The following VWA5B1 variants were observed in gnomAD, a reference collection of about 807,000 sequenced individuals.
VWA5B1 encodes von Willebrand factor A domain-containing protein 5B1.
In VWA5B1, 115 loss-of-function variants were observed where a neutral mutation model predicts 118.2. That is an observed-to-expected ratio of 0.97 (90% CI 0.84 to 1.14). VWA5B1 has a LOEUF of 1.14. Among genes scored for constraint, VWA5B1 ranks in the 50% most tolerant of loss-of-function variants. The pLI, the probability that VWA5B1 is intolerant of heterozygous loss-of-function variation, is 0.00. For synonymous variants in VWA5B1, 682 were observed against 658.4 expected (o/e 1.04, Z -0.55); for missense variants, 1,596 against 1,603.8 (o/e 1.00, Z 0.08).
chr1:20,330,498 A>T (rs1322530645), intron 10 of VWA5B1, 116 bp downstream of exon 10: 4 of 1,261,740 alleles, frequency 3.2e-6, no homozygotes, highest in Non-Finnish European at 4.4e-6. Context: ...CACAATTCCC[A>T]AAGGGCTTTG....
chr1:20,332,716 C>T lies in VWA5B1; in HGVS notation c.1573-50C>T, dbSNP rs1235002002. 4.6e-6 allele frequency: 7 copies of T among 1,534,398 alleles called. No homozygotes were observed. The East Asian group carries it at 1.5e-4, about 32-fold the overall frequency. ...GCTGATACTTACATGATCTTCTGTACACATCTCTTCTCATACATCCCCCAA... is the reference window on the plus strand; with the variant it reads ...GCTGATACTTACATGATCTTCTGTATACATCTCTTCTCATACATCCCCCAA... On this transcript the variant is annotated intron_variant, in intron 11 of 21. Coordinates refer to ENST00000289815, the MANE Select transcript of VWA5B1 (RefSeq NM_001039500.3).
intron 12 of VWA5B1, among the ~76,000 whole-genome samples, chr1:20,336,014 G>A (rs1175340705): frequency 6.6e-6 from 1 of 152,144 alleles, no homozygotes; most frequent in Non-Finnish European, 1.5e-5. Flanking sequence ...GGTAATTTCG[G>A]TTACCTATTT....
At position 20,328,070 on chromosome 1, in the gene VWA5B1, G is replaced by A. The variant is rs914889284; in HGVS notation, c.1254+70G>A. On this transcript the variant is annotated intron_variant, in intron 9 of 21. Transcript: ENST00000289815. The stretch of plus-strand genomic sequence containing the variant: ...GGGAGCAGAGGAAAGGAGGGAAAGG[G>A]GAAAAAATAGTTAAAACCCTAGTGC... 11 of 1,432,600 alleles carry A rather than the reference G, an allele frequency of 7.7e-6. No homozygotes were observed. In the Admixed American group the frequency reaches 2.0e-4, roughly 26 times the overall value. The allele number at this position is 1,432,600 out of a possible 1,614,324, so 88.7% of individuals were successfully genotyped here.
Position 20,317,549 on chromosome 1 carries a change from G to C in VWA5B1, c.583G>C (p.Gly195Arg), listed in dbSNP as rs201427535. ...TTCCAGCAAAGACAGGCACTGCTTCGGTGCCTGGGCCCCGGGCTCCTGGAA... is the reference window on the plus strand; with the variant it reads ...TTCCAGCAAAGACAGGCACTGCTTCCGTGCCTGGGCCCCGGGCTCCTGGAA... Reference protein sequence around the residue: ...QAQGKDRHCFGAWAPGSWNKL... With the variant: ...QAQGKDRHCFRAWAPGSWNKL... Residue 195 changes from glycine (G) to arginine (R), a missense_variant, in exon 5 of 22, where the codon GGT (glycine) becomes CGT (arginine). Transcript: ENST00000289815. 1 of 1,551,528 alleles carries C rather than the reference G, an allele frequency of 6.4e-7. No individual in the cohort carries two copies. The highest frequency in any genetic ancestry group is 8.7e-7 in the Non-Finnish European group (1 of 1,146,972).
chr1:20,292,579 G>A (rs2088332696), intron 1 of VWA5B1, among the ~76,000 whole-genome samples: 2 of 152,238 alleles, frequency 1.3e-5, no homozygotes, highest in African/African-American at 2.4e-5. Context: ...GTTTGTGGGT[G>A]CATGTGGGGG....
chr1:20,313,825 G>A (rs947013334), intron 3 of VWA5B1, among the ~76,000 whole-genome samples: 3 of 152,222 alleles, frequency 2.0e-5, no homozygotes, highest in South Asian at 4.1e-4. Context: ...GGAGCAGGGG[G>A]TGGAAAGTGG....
rs922347694 is a variant in VWA5B1 at position 20,330,286 on chromosome 1, G to A, written c.1361G>A (p.Arg454Gln). Reference sequence around the variant, plus strand: ...TGGGTCATCAGGCAGCCAGTGCACCGAGGCCACCCGCGGCTCCTCTTCGTG... The same window carrying A: ...TGGGTCATCAGGCAGCCAGTGCACCAAGGCCACCCGCGGCTCCTCTTCGTG... ...LKWVIRQPVH[R>Q]GHPRLLFVIT... Residue 454 changes from arginine (R) to glutamine (Q), a missense_variant, in exon 10 of 22, where the codon CGA (arginine) becomes CAA (glutamine). Arg to Gln is a conservative substitution (Grantham distance 43). Coordinates refer to ENST00000289815, the MANE Select transcript of VWA5B1 (RefSeq NM_001039500.3). 7 of 1,551,668 alleles carry A rather than the reference G, an allele frequency of 4.5e-6. No individual in the cohort carries two copies. The highest frequency in any genetic ancestry group is 2.0e-5 in the Admixed American group (1 of 50,990).
intron 4 of VWA5B1, among the ~76,000 whole-genome samples, chr1:20,316,916 T>A (rs561262095): frequency 3.3e-5 from 5 of 151,804 alleles, no homozygotes; most frequent in Admixed American, 3.3e-4. Context: ...ATAGTGGGAA[T>A]GGAGGCCGAG....
At chr1:20,311,991 C>A (rs761666848) in intron 2 of VWA5B1, among the ~76,000 whole-genome samples, 2 of 152,172 alleles carry the variant, frequency 1.3e-5, no homozygotes, top group Non-Finnish European at 2.9e-5. Flanking sequence ...GGAACAAGTG[C>A]CCCCATTTTA....
At chr1:20,311,120 G>C (rs2088836447) in intron 2 of VWA5B1, among the ~76,000 whole-genome samples, 1 of 152,224 alleles carries the variant, frequency 6.6e-6, no homozygotes, top group African/African-American at 2.4e-5. Flanking sequence ...CTACGGGCAT[G>C]TGCCACCACA....
Position 20,354,341 on chromosome 1 carries a change from G to A in VWA5B1, c.*78G>A. The A allele has an allele frequency of 2.1e-6, 3 of 1,439,986 alleles. No homozygotes were observed. Among genetic ancestry groups the A allele is most frequent in the South Asian group, 1.4e-5 (1 of 69,766 alleles). The allele number at this position is 1,439,986 out of a possible 1,614,324, so 89.2% of individuals were successfully genotyped here. ...CAGGGCCATGTCGGCCTGGTTTCGGGGAGCTTTTGGAGCTGTAACTAATAT... is the reference window on the plus strand; with the variant it reads ...CAGGGCCATGTCGGCCTGGTTTCGGAGAGCTTTTGGAGCTGTAACTAATAT... On this transcript the variant is annotated 3_prime_UTR_variant, in exon 22 of 22. Coordinates refer to ENST00000289815, the MANE Select transcript of VWA5B1 (RefSeq NM_001039500.3).
Position 20,354,608 on chromosome 1 carries a change from A to G in VWA5B1, c.*345A>G. The G allele has an allele frequency of 6.5e-6, 2 of 307,970 alleles. No homozygotes were observed. The highest frequency in any genetic ancestry group is 1.2e-5 in the Non-Finnish European group (2 of 164,878). 19.1% of individuals were successfully genotyped at this position (307,970 alleles called of 1,614,324 possible). ...CTGCTGCTGGGGCTGGCGAGGGAAG[A>G]TGCAGTGGAAGCCTGAGCCCTGTCT... On this transcript the variant is annotated 3_prime_UTR_variant, in exon 22 of 22. Coordinates refer to ENST00000289815, the MANE Select transcript of VWA5B1 (RefSeq NM_001039500.3).
intron 1 of VWA5B1, among the ~76,000 whole-genome samples, chr1:20,307,784 T>G (rs1009205610): frequency 2.6e-5 from 4 of 151,122 alleles, no homozygotes; most frequent in Non-Finnish European, 5.9e-5. Context: ...ATTTAAAGTT[T>G]ATTCTTTCCA....
At chr1:20,344,144 G>GAGTA (rs2089959452) in intron 16 of VWA5B1, among the ~76,000 whole-genome samples, 1 of 149,876 alleles carries the variant, frequency 6.7e-6, no homozygotes, top group Non-Finnish European at 1.5e-5. Context: ...CCCTGCCTCC[G>GAGTA]AGTAAGTGGT....
rs534257911 is a variant in VWA5B1, at chr1:20,354,049, G to A, written c.3434G>A (p.Gly1145Glu). Residue 1145 changes from glycine to glutamate, a missense_variant, in exon 22 of 22, where the codon GGG becomes GAG. Physicochemically the swap from Gly to Glu is moderately conservative, Grantham distance 98 (BLOSUM62 -2). Transcript: ENST00000289815. Reference protein sequence around the residue: ...HTGKLWATVVGLAWLEHSSAS... With the variant: ...HTGKLWATVVELAWLEHSSAS... ...GGGAAGCTGTGGGCCACGGTGGTGG[G>A]GCTGGCATGGCTGGAGCACAGTTCG... The A allele has an allele frequency of 1.3e-5, 20 of 1,551,620 alleles. No individual in the cohort carries two copies. The African/African-American group carries it at 2.7e-4, about 21-fold the overall frequency.
intron 9 of VWA5B1, among the ~76,000 whole-genome samples, chr1:20,328,632 T>C (rs1257119286): frequency 6.6e-6 from 1 of 152,142 alleles, no homozygotes; most frequent in African/African-American, 2.4e-5. Context: ...GCAAGAATAA[T>C]ATATGTTGCA....
intron 2 of VWA5B1, among the ~76,000 whole-genome samples, chr1:20,310,970 C>T (rs1038330659): frequency 1.3e-5 from 2 of 152,110 alleles, no homozygotes; most frequent in African/African-American, 4.8e-5. Context: ...GCCAACTGTC[C>T]CTGCACTTTT....
rs534163965 is a variant in VWA5B1 at position 20,306,913 on chromosome 1, T to G, written c.-26-3663T>G. Among the ~76,000 whole-genome samples, 3 of 152,256 alleles carry G rather than the reference T, an allele frequency of 2.0e-5. No individual in the cohort carries two copies. In the South Asian group the frequency reaches 6.2e-4, roughly 32 times the overall value. ...TATGAGAGGGGATCCAATTTATAAC[T>G]CCGGGCACTCCTTCTGAAAAATCCT... On this transcript the variant is annotated intron_variant, in intron 1 of 21. Coordinates refer to ENST00000289815, the MANE Select transcript of VWA5B1 (RefSeq NM_001039500.3).
Position 20,314,504 on chromosome 1 carries a change from G to A in VWA5B1, c.475G>A (p.Val159Met). The A allele has an allele frequency of 6.4e-7, 1 of 1,551,784 alleles. No individual in the cohort carries two copies. Among genetic ancestry groups the A allele is most frequent in the East Asian group, 2.4e-5 (1 of 40,900 alleles). Residue 159 changes from valine (V) to methionine (M), a missense_variant, in exon 4 of 22, where the codon GTG becomes ATG. Physicochemically the swap from Val to Met is conservative, Grantham distance 21. Transcript: ENST00000289815. ...GCTCCCAACGCTGCCCAGCGGGGCTGTGAGGGTCCTTCTGCCTGCTGTCTG... is the reference window on the plus strand; with the variant it reads ...GCTCCCAACGCTGCCCAGCGGGGCTATGAGGGTCCTTCTGCCTGCTGTCTG... ...SELPTLPSGA[V>M]RVLLPAVCAP...
Sources: allele counts gnomAD v4.1 joint callset (sites outside exome capture counted in the v4.1 genomes callset), GRCh38; gene constraint gnomAD v4.1.1; transcripts MANE v1.5; gene names NCBI Gene and HGNC (gene_info 2026-07-23, HGNC 2026-07-21).